The following CSMD1 variants were observed in gnomAD, a reference collection of about 807,000 sequenced individuals.
CSMD1 encodes CUB and Sushi multiple domains 1.
Under a neutral mutation model 417.5 loss-of-function variants are expected in CSMD1, and 213 were observed. That is an observed-to-expected ratio of 0.51 (90% confidence interval 0.46 to 0.57). The LOEUF (loss-of-function observed/expected upper bound fraction) is 0.57. CSMD1 is among the 20% of genes least tolerant of loss of function. The pLI, the probability that CSMD1 is intolerant of heterozygous loss-of-function variation, is 0.00. For synonymous variants in CSMD1, 2,862 were observed against 1,736.8 expected (o/e 1.65, Z -16.11); for missense variants, 6,923 against 4,529.7 (o/e 1.53, Z -15.17).
At chr8:4,883,904 G>A (rs1046516571) in intron 1 of CSMD1, among the ~76,000 whole-genome samples, 2 of 151,984 alleles carry the variant, frequency 1.3e-5, no homozygotes, top group Non-Finnish European at 2.9e-5. Context: ...TTGAGGAACT[G>A]CCAGACTGTT....
intron 5 of CSMD1, among the ~76,000 whole-genome samples, chr8:3,950,332 T>A (rs1218324821): frequency 6.6e-6 from 1 of 152,200 alleles, no homozygotes; most frequent in Non-Finnish European, 1.5e-5. Flanking sequence ...AGAAAAGCCA[T>A]CTGACTCTAG....
chr8:3,129,254 C>G (rs1817666348), intron 41 of CSMD1, among the ~76,000 whole-genome samples: 1 of 152,160 alleles, frequency 6.6e-6, no homozygotes, highest in Non-Finnish European at 1.5e-5. Context: ...ACATGGAATT[C>G]TAAATACTGA....
chr8:3,439,129 A>G (rs1814770091), intron 12 of CSMD1, among the ~76,000 whole-genome samples: 1 of 120,808 alleles, frequency 8.3e-6, no homozygotes, highest in African/African-American at 3.6e-5. Context: ...TCTCAAAAAA[A>G]AAAAAAAAAA....
At position 2,957,731 on chromosome 8, in the gene CSMD1, T is replaced by G. The variant is rs1243602707; in HGVS notation, c.9779A>C (p.Asn3260Thr). 1 of 1,598,658 alleles carries G rather than the reference T, an allele frequency of 6.3e-7. No homozygotes were observed. The highest frequency in any genetic ancestry group is 1.3e-5 in the African/African-American group (1 of 74,896). The change falls in exon 63 of 70, where the codon AAT (asparagine) becomes ACT (threonine). Residue 3260 changes from asparagine (N) to threonine (T), a missense_variant. Transcript: ENST00000635120. ...QGSTTRTCLA[N>T]LTWSGIQTEC... ...GGTCTGTATCCCACTCCATGTTAAATTGGCAAGGCAGGTGCGAGTCGTGGA... is the reference window on the plus strand; with the variant it reads ...GGTCTGTATCCCACTCCATGTTAAAGTGGCAAGGCAGGTGCGAGTCGTGGA...
chr8:4,618,476 G>C (rs1362391031), intron 2 of CSMD1, among the ~76,000 whole-genome samples: 1 of 152,028 alleles, frequency 6.6e-6, no homozygotes, highest in African/African-American at 2.4e-5. Flanking sequence ...TTATATTCTT[G>C]GTGGGAAACC....
intron 1 of CSMD1, among the ~76,000 whole-genome samples, chr8:4,809,319 T>G (rs186300987): frequency 5.7e-4 from 87 of 152,356 alleles, no homozygotes; most frequent in Admixed American, 1.5e-3. Context: ...TATACATCTA[T>G]AGCAAGAGTT....
chr8:4,108,638 T>C (rs968370318), intron 3 of CSMD1, among the ~76,000 whole-genome samples: 3 of 152,226 alleles, frequency 2.0e-5, no homozygotes, highest in African/African-American at 4.8e-5. Flanking sequence ...GAAGAGCCTT[T>C]TGAAATGCCA....
chr8:3,718,423 C>G (rs1801962406), intron 6 of CSMD1, among the ~76,000 whole-genome samples: 1 of 152,114 alleles, frequency 6.6e-6, no homozygotes, highest in Non-Finnish European at 1.5e-5. Flanking sequence ...TTTCCTTGGT[C>G]AGGAAAATCA....
intron 5 of CSMD1, among the ~76,000 whole-genome samples, chr8:3,780,375 G>C (rs192834781): frequency 2.6e-5 from 4 of 152,130 alleles, no homozygotes; most frequent in South Asian, 2.1e-4. Flanking sequence ...ATCAAGAGGC[G>C]GCCTGGTCCT....
chr8:3,493,236 G>T (rs1563090451), intron 11 of CSMD1, among the ~76,000 whole-genome samples: 2 of 146,062 alleles, frequency 1.4e-5, no homozygotes, highest in Admixed American at 1.4e-4. Context: ...GGAGGTTGCA[G>T]TGAGCCGAGA....
At chr8:3,687,471 A>G (rs909264278) in intron 7 of CSMD1, among the ~76,000 whole-genome samples, 5 of 152,246 alleles carry the variant, frequency 3.3e-5, no homozygotes, top group African/African-American at 4.8e-5. Flanking sequence ...AGAAAGCAAT[A>G]AAACAGTAAG....
chr8:4,023,440 T>A (rs563990992), intron 4 of CSMD1, among the ~76,000 whole-genome samples: 2 of 152,234 alleles, frequency 1.3e-5, no homozygotes, highest in East Asian at 3.9e-4. Context: ...AAGCCAGCAC[T>A]CATCTAGACT....
chr8:4,372,414 T>C (rs1348879503), intron 3 of CSMD1, among the ~76,000 whole-genome samples: 2 of 152,114 alleles, frequency 1.3e-5, no homozygotes, highest in African/African-American at 4.8e-5. Context: ...TCATCTGTAT[T>C]TGACATATAT....
In CSMD1 at chr8:2,945,658, T is replaced by G. The variant is rs1802177673; in HGVS notation, c.10403-3054A>C. On this transcript the variant is annotated intron_variant, in intron 68 of 69. Transcript: ENST00000635120. Reference sequence around the variant, plus strand: ...GTACGAGGGTCTTCACAATAACACATGGACAGCTCTGTGCGATCCCTCTGC... The same window carrying G: ...GTACGAGGGTCTTCACAATAACACAGGGACAGCTCTGTGCGATCCCTCTGC... Among the ~76,000 whole-genome samples, 9 of 152,164 alleles carry G rather than the reference T, an allele frequency of 5.9e-5. No individual in the cohort carries two copies. In the South Asian group the frequency reaches 1.9e-3, roughly 32 times the overall value.
At chr8:3,837,906 G>A (rs142493090) in intron 5 of CSMD1, among the ~76,000 whole-genome samples, 1 of 152,080 alleles carries the variant, frequency 6.6e-6, no homozygotes, top group South Asian at 2.1e-4. Flanking sequence ...ACTTGGAAAT[G>A]CACAGATGAA....
At chr8:4,672,838 T>C (rs1048088896) in intron 1 of CSMD1, among the ~76,000 whole-genome samples, 1 of 151,814 alleles carries the variant, frequency 6.6e-6, no homozygotes, top group South Asian at 2.1e-4. Context: ...CACTCCCGTA[T>C]GTAGTGACGT....
At chr8:4,594,536 G>A (rs767627930) in intron 2 of CSMD1, among the ~76,000 whole-genome samples, 1 of 152,098 alleles carries the variant, frequency 6.6e-6, no homozygotes, top group Non-Finnish European at 1.5e-5. Flanking sequence ...CACATTCTGA[G>A]TTATTGGGAT....
intron 30 of CSMD1, among the ~76,000 whole-genome samples, chr8:3,206,394 T>C (rs1224221531): frequency 2.3e-5 from 3 of 128,846 alleles, no homozygotes. Context: ...TGTGTATGTG[T>C]GTGTGGGGGG....
intron 1 of CSMD1, chr8:4,787,958 C>G: frequency 8.1e-6 from 13 of 1,595,690 alleles, no homozygotes; most frequent in South Asian, 3.4e-5. Flanking sequence ...CCTGGAGACT[C>G]TGGCCATCAG....
Sources: gnomAD v4.1 joint callset for allele counts (sites outside exome capture counted in the v4.1 genomes callset) on GRCh38, gnomAD v4.1.1 for gene constraint, MANE v1.5 for transcripts, NCBI Gene and HGNC (gene_info 2026-07-23, HGNC 2026-07-21) for gene names.